RABL2A: variants seen among roughly 807,000 people sequenced by gnomAD.
RABL2A encodes RAB, member of RAS oncogene family like 2A, also known as rab-like protein 2A.
A neutral mutation model predicts 30.7 loss-of-function variants in RABL2A; 17 were observed. The observed-to-expected ratio is 0.55, with a 90% confidence interval of 0.38 to 0.83. The LOEUF is 0.83. Among genes scored for constraint, RABL2A ranks in the 40% least tolerant of loss-of-function variants. RABL2A has a pLI of 0.00. For missense variants in RABL2A, 155 were observed against 272.6 expected (o/e 0.57, Z 3.04); for synonymous variants, 64 against 101.8 (o/e 0.63, Z 2.24).
At chr2:113,636,939 A>C (rs2104716616) in intron 5 of RABL2A, among the ~76,000 whole-genome samples, 1 of 151,670 alleles carries the variant, frequency 6.6e-6, no homozygotes, top group East Asian at 1.9e-4. Flanking sequence ...CAGTGAGCCG[A>C]GATCGCGCCA....
rs1683925916 is a variant in RABL2A, at chr2:113,638,751, C to T, written c.298-2143C>T. 1.5e-5 allele frequency: 3 copies of T among 199,104 alleles called. No homozygotes were observed. In the East Asian group the frequency reaches 5.6e-4, roughly 37 times the overall value. 12.3% of individuals were successfully genotyped at this position (199,104 alleles called of 1,614,324 possible). On this transcript the variant is annotated intron_variant, in intron 5 of 8. Transcript: ENST00000683472. ...GGCGTGGTGGCGCGCACCTGTAATC[C>T]AGCTACTCAGGAGGCTGAGACAGGA...
At chr2:113,635,541 C>T (rs1177076282) in intron 5 of RABL2A, 2 of 298,436 alleles carry the variant, frequency 6.7e-6, no homozygotes, top group South Asian at 3.2e-5. Flanking sequence ...CCCAGAGAAC[C>T]TTCTCTCTCA....
intron 5 of RABL2A, among the ~76,000 whole-genome samples, chr2:113,636,666 G>A (rs1682850027): frequency 6.6e-6 from 1 of 152,158 alleles, no homozygotes; most frequent in Admixed American, 6.5e-5. Context: ...GGATGGACAG[G>A]TTGCCACCAT....
rs982645192 is a variant in RABL2A, at chr2:113,634,026, T to C, written c.138-127T>C. Reference sequence around the variant, plus strand: ...TCCTCTGTCTGCAACATTCATTTGATTTAAAATCTCAATAACTCCAAAGAG... The same window carrying C: ...TCCTCTGTCTGCAACATTCATTTGACTTAAAATCTCAATAACTCCAAAGAG... On this transcript the variant is annotated intron_variant, in intron 3 of 8. Coordinates refer to ENST00000683472, the MANE Select transcript of RABL2A (RefSeq NM_001306158.2). 4.8e-6 allele frequency: 7 copies of C among 1,456,300 alleles called. No individual in the cohort carries two copies. In the East Asian group the frequency reaches 1.3e-4, roughly 26 times the overall value. The allele number at this position is 1,456,300 out of a possible 1,614,324, so 90.2% of individuals were successfully genotyped here. A position where few individuals can be genotyped will look rare whatever the true frequency, so the allele number is the denominator to read the frequency against.
At chr2:113,632,590 C>T (rs1427326637) in intron 2 of RABL2A, among the ~76,000 whole-genome samples, 4 of 152,226 alleles carry the variant, frequency 2.6e-5, no homozygotes, top group Admixed American at 6.5e-5. Context: ...GAACGGAAGG[C>T]GCAGCTTTGG....
chr2:113,627,699 C>G (rs982363133), intron 1 of RABL2A, among the ~76,000 whole-genome samples: 5 of 152,236 alleles, frequency 3.3e-5, no homozygotes, highest in Non-Finnish European at 5.9e-5. Context: ...GGGAGGATCG[C>G]TTGAGTCCAG....
At chr2:113,627,719 GCTGCAGTGAGCCGTGATCGCGCCA>G (rs1471149648) in intron 1 of RABL2A, 1 of 259,312 alleles carries the variant, frequency 3.9e-6, no homozygotes, top group African/African-American at 2.3e-5. Flanking sequence ...GGAGTTGGAG[GCTGCAGTGAGCCGTGATCGCGCCA>G]CTGCACTCCA....
chr2:113,628,779 C>T, intron 2 of RABL2A, 66 bp downstream of exon 2: 1 of 796,386 alleles, frequency 1.3e-6, no homozygotes, highest in Non-Finnish European at 2.0e-6. Flanking sequence ...AAAAAGTCCT[C>T]CAGAGGCAGA....
Position 113,642,293 on chromosome 2 carries a change from G to C in RABL2A, c.*164G>C. ...TTCAAGGCCCGTGATACAGGGATGA[G>C]GTCAGCACCAGCAAACTCTGGACTG... On this transcript the variant is annotated 3_prime_UTR_variant, in exon 9 of 9. Transcript: ENST00000683472. 3 of 1,442,996 alleles carry C rather than the reference G, an allele frequency of 2.1e-6. No individual in the cohort carries two copies. The highest frequency in any genetic ancestry group is 3.0e-5 in the South Asian group (2 of 67,738). The allele number at this position is 1,442,996 out of a possible 1,614,324, so 89.4% of individuals were successfully genotyped here.
intron 5 of RABL2A, among the ~76,000 whole-genome samples, chr2:113,636,728 C>T (rs1409684048): frequency 1.3e-5 from 2 of 152,206 alleles, no homozygotes; most frequent in Non-Finnish European, 2.9e-5. Context: ...GTGGCTCACG[C>T]CTGTAATCCC....
At chr2:113,634,069 C>T (rs1681502084) in intron 3 of RABL2A, 84 bp from the exon 4 acceptor site, 3 of 1,511,318 alleles carry the variant, frequency 2.0e-6, no homozygotes, top group Non-Finnish European at 2.7e-6. Flanking sequence ...GGGAGAGGAT[C>T]CATTTCATCA....
At chr2:113,629,369 G>A (rs561652523) in intron 2 of RABL2A, among the ~76,000 whole-genome samples, 22 of 152,186 alleles carry the variant, frequency 1.4e-4, no homozygotes, top group African/African-American at 5.3e-4. Context: ...GGCCCACCTT[G>A]GTTTCTACCT....
intron 2 of RABL2A, among the ~76,000 whole-genome samples, chr2:113,632,224 T>C (rs1244043932): frequency 6.6e-6 from 1 of 152,142 alleles, no homozygotes. Context: ...AAGGAGGAAA[T>C]GGCCAGTGGC....
intron 5 of RABL2A, among the ~76,000 whole-genome samples, chr2:113,636,673 CCATTGTTGG>C (rs1682855163): frequency 1.3e-5 from 2 of 152,082 alleles, no homozygotes; most frequent in Non-Finnish European, 2.9e-5. Context: ...CAGGTTGCCA[CCATTGTTGG>C]CATACATTAA....
rs1157350379 is a variant in RABL2A, at chr2:113,643,210, C to T, written c.*1081C>T. The T allele has an allele frequency of 2.2e-6, 1 of 451,310 alleles. No individual in the cohort carries two copies. Among genetic ancestry groups the T allele is most frequent in the East Asian group, 7.1e-5 (1 of 14,172 alleles). The allele number at this position is 451,310 out of a possible 1,614,324, so 28.0% of individuals were successfully genotyped here. On this transcript the variant is annotated 3_prime_UTR_variant, in exon 9 of 9. Coordinates refer to ENST00000683472, the MANE Select transcript of RABL2A (RefSeq NM_001306158.2). ...TTTAGGAATAGTTTGGACCTTGTGC[C>T]TCCTGTGGGAGGCTGAGGACTGCAA... is the stretch of plus-strand genomic sequence containing the variant.
At chr2:113,630,517 G>A (rs907924914) in intron 2 of RABL2A, among the ~76,000 whole-genome samples, 6 of 152,140 alleles carry the variant, frequency 3.9e-5, no homozygotes, top group South Asian at 2.1e-4. Context: ...TCTGAAGGGC[G>A]TCAGTTGTAC....
rs534755306 is a variant in RABL2A at position 113,640,393 on chromosome 2, C to T, written c.298-501C>T. The T allele has an allele frequency of 3.4e-3, 548 of 161,268 alleles. 12 individuals are homozygous for T. The highest frequency in any genetic ancestry group is 0.017 in the Admixed American group (296 of 17,630). 10.0% of individuals were successfully genotyped at this position (161,268 alleles called of 1,614,324 possible). On this transcript the variant is annotated intron_variant, in intron 5 of 8. Transcript: ENST00000683472. ...GAATACGTTATTTATTTGTTTATTT[C>T]AGACAGAGTTTTGCTCTTGTTGCCC...
At chr2:113,629,925 G>C (rs1679668256) in intron 2 of RABL2A, among the ~76,000 whole-genome samples, 1 of 152,026 alleles carries the variant, frequency 6.6e-6, no homozygotes, top group African/African-American at 2.4e-5. Flanking sequence ...AGTTTGGGAA[G>C]GTTACCCAAT....
At position 113,642,949 on chromosome 2, in the gene RABL2A, C is replaced by A; in HGVS notation, c.*820C>A. 1 of 330,494 alleles carries A rather than the reference C, an allele frequency of 3.0e-6. No homozygotes were observed. Among genetic ancestry groups the A allele is most frequent in the South Asian group, 2.2e-5 (1 of 45,290 alleles). The allele number at this position is 330,494 out of a possible 1,614,324, so 20.5% of individuals were successfully genotyped here. A position where few individuals can be genotyped will look rare whatever the true frequency, so the allele number is the denominator to read the frequency against. ...CCCCAATCATCTGTTTTTAAACAATCGTTTTTGAGCAGATAGCTATTCATT... is the reference window on the plus strand; with the variant it reads ...CCCCAATCATCTGTTTTTAAACAATAGTTTTTGAGCAGATAGCTATTCATT... On this transcript the variant is annotated 3_prime_UTR_variant, in exon 9 of 9. Transcript: ENST00000683472.
Sources: allele counts gnomAD v4.1 joint callset (sites outside exome capture counted in the v4.1 genomes callset), GRCh38; gene constraint gnomAD v4.1.1; transcripts MANE v1.5; gene names NCBI Gene and HGNC (gene_info 2026-07-23, HGNC 2026-07-21).